CCSER1: variants seen among roughly 807,000 people sequenced by gnomAD.
CCSER1 encodes serine-rich coiled-coil domain-containing protein 1.
Under a neutral mutation model 82.0 loss-of-function variants are expected in CCSER1, and 41 were observed. The ratio of observed to expected loss-of-function variants is 0.50; its 90% CI spans 0.39 to 0.65. The LOEUF is 0.65. Among genes scored for constraint, CCSER1 ranks in the 30% least tolerant of loss-of-function variants. The pLI is 0.00. For missense variants in CCSER1, 1,119 were observed against 1,064.2 expected (o/e 1.05, Z -0.72); for synonymous variants, 414 against 383.9 (o/e 1.08, Z -0.92).
At chr4:91,557,664 T>C (rs1762466448) in intron 10 of CCSER1, among the ~76,000 whole-genome samples, 1 of 151,260 alleles carries the variant, frequency 6.6e-6, no homozygotes, top group Non-Finnish European at 1.5e-5. Context: ...TTGGATGAGT[T>C]CCTAATGGAG....
Position 90,793,462 on chromosome 4 carries a change from G to T in CCSER1, c.2011-22300G>T, listed in dbSNP as rs532877000. Among the ~76,000 whole-genome samples the T allele has an allele frequency of 3.3e-5, 5 of 152,062 alleles. No individual in the cohort carries two copies. In the South Asian group the frequency reaches 1.0e-3, roughly 32 times the overall value. On this transcript the variant is annotated intron_variant, in intron 7 of 10. Coordinates refer to ENST00000509176, the MANE Select transcript of CCSER1 (RefSeq NM_001145065.2). ...TGGTTTTCTTTTCCTTTTTTGTTGA[G>T]GATAATGGCCTCCATCCATGTTACT...
At chr4:90,840,780 G>T (rs1320227320) in intron 8 of CCSER1, among the ~76,000 whole-genome samples, 1 of 151,420 alleles carries the variant, frequency 6.6e-6, no homozygotes, top group Middle Eastern at 3.2e-3. Flanking sequence ...TTATAACCTT[G>T]TATGCAAGTC....
intron 8 of CCSER1, among the ~76,000 whole-genome samples, chr4:90,861,928 T>TATATATATATATATATATATATATATA (rs1561265442): frequency 1.8e-5 from 2 of 109,366 alleles, no homozygotes; most frequent in African/African-American, 5.6e-5. Context: ...ATATATATAT[T>TATATATATATATATATATATATATATA]TTTTTTTTCT....
intron 10 of CCSER1, among the ~76,000 whole-genome samples, chr4:91,443,399 G>A (rs375774315): frequency 4.0e-5 from 6 of 150,124 alleles, no homozygotes; most frequent in African/African-American, 7.3e-5. Context: ...GTAAACTATC[G>A]CAAGGACAAA....
chr4:91,452,709 A>G (rs1755937565), intron 10 of CCSER1, among the ~76,000 whole-genome samples: 1 of 152,060 alleles, frequency 6.6e-6, no homozygotes, highest in Admixed American at 6.6e-5. Context: ...TAGTCACAGC[A>G]AGTTCAATGT....
At chr4:91,534,241 C>G (rs1057443318) in intron 10 of CCSER1, among the ~76,000 whole-genome samples, 1 of 152,022 alleles carries the variant, frequency 6.6e-6, no homozygotes, top group African/African-American at 2.4e-5. Flanking sequence ...CAGTTATAGT[C>G]TCTTAAATCT....
At chr4:90,420,583 T>G (rs1756535472) in intron 4 of CCSER1, among the ~76,000 whole-genome samples, 1 of 152,178 alleles carries the variant, frequency 6.6e-6, no homozygotes, top group East Asian at 1.9e-4. Context: ...TATTTTGCCT[T>G]TCAGACTTTG....
intron 10 of CCSER1, among the ~76,000 whole-genome samples, chr4:91,260,824 G>T (rs942317667): frequency 6.6e-6 from 1 of 151,944 alleles, no homozygotes; most frequent in Non-Finnish European, 1.5e-5. Context: ...GCAATGGCGC[G>T]ATCTCGGCTC....
intron 8 of CCSER1, among the ~76,000 whole-genome samples, chr4:90,841,406 G>A (rs566038709): frequency 1.1e-4 from 16 of 151,548 alleles, no homozygotes; most frequent in African/African-American, 2.9e-4. Flanking sequence ...ATGAAACCCC[G>A]TCTCTACTAA....
At chr4:90,960,761 A>C (rs1436505400) in intron 9 of CCSER1, among the ~76,000 whole-genome samples, 1 of 152,148 alleles carries the variant, frequency 6.6e-6, no homozygotes, top group African/African-American at 2.4e-5. Context: ...ATTAGCTGGA[A>C]TTATGTTCTT....
At chr4:90,159,941 ATACT>A (rs1292978778) in intron 1 of CCSER1, among the ~76,000 whole-genome samples, 1 of 152,242 alleles carries the variant, frequency 6.6e-6, no homozygotes, top group Admixed American at 6.5e-5. Context: ...ATGTTATCAA[ATACT>A]TACAACATGA....
chr4:90,138,562 A>C (rs1724136001), intron 1 of CCSER1, among the ~76,000 whole-genome samples: 2 of 152,210 alleles, frequency 1.3e-5, no homozygotes. Context: ...TGGCAGCTAA[A>C]CTACATGCAT....
chr4:91,054,718 G>T (rs1286674378), intron 9 of CCSER1, among the ~76,000 whole-genome samples: 1 of 151,558 alleles, frequency 6.6e-6, no homozygotes, highest in Non-Finnish European at 1.5e-5. Context: ...TTTTGGGGCG[G>T]TGGGGTTGGT....
At position 91,134,856 on chromosome 4, in the gene CCSER1, T is replaced by C. The variant is rs371683340; in HGVS notation, c.2217+48862T>C. On this transcript the variant is annotated intron_variant, in intron 10 of 10. Transcript: ENST00000509176. ...GCAGACAGACCACAAGGTCAAGAGATTGAGACCATCCTGGCCAACATGGTG... is the reference window on the plus strand; with the variant it reads ...GCAGACAGACCACAAGGTCAAGAGACTGAGACCATCCTGGCCAACATGGTG... 2.0e-5 allele frequency among the ~76,000 whole-genome samples: 3 copies of C among 152,232 alleles called. No individual in the cohort carries two copies. The South Asian group carries it at 6.2e-4, about 32-fold the overall frequency.
At chr4:90,847,420 T>C (rs2149907344) in intron 8 of CCSER1, among the ~76,000 whole-genome samples, 1 of 152,300 alleles carries the variant, frequency 6.6e-6, no homozygotes, top group African/African-American at 2.4e-5. Context: ...GATCTTGACC[T>C]TGCTTCTTAC....
intron 1 of CCSER1, among the ~76,000 whole-genome samples, chr4:90,175,069 G>A (rs1450757582): frequency 6.6e-6 from 1 of 151,970 alleles, no homozygotes; most frequent in South Asian, 2.1e-4. Flanking sequence ...ATTCATAGCA[G>A]TTTTATTTGT....
intron 6 of CCSER1, among the ~76,000 whole-genome samples, chr4:90,717,741 C>A (rs572523793): frequency 2.1e-5 from 2 of 95,346 alleles, no homozygotes; most frequent in African/African-American, 8.5e-5. Flanking sequence ...TATATATATA[C>A]ACATATATAT....
chr4:91,045,242 T>C lies in CCSER1; in HGVS notation c.2173-40708T>C, dbSNP rs1374325186. ...TTCTAAGTCTGTCAAGTAAAATTCT[T>C]GAATAAATTTTAAAAATTTAGTTGT... On this transcript the variant is annotated intron_variant, in intron 9 of 10. Transcript: ENST00000509176. 2.6e-5 allele frequency among the ~76,000 whole-genome samples: 4 copies of C among 152,236 alleles called. No individual in the cohort carries two copies. In the East Asian group the frequency reaches 7.7e-4, roughly 29 times the overall value.
chr4:91,066,512 T>A (rs1561517241), intron 9 of CCSER1, among the ~76,000 whole-genome samples: 1 of 152,122 alleles, frequency 6.6e-6, no homozygotes. Context: ...AATCAGATCA[T>A]CCATATCACA....
Sources: gnomAD v4.1 joint callset for allele counts (sites outside exome capture counted in the v4.1 genomes callset) on GRCh38, gnomAD v4.1.1 for gene constraint, MANE v1.5 for transcripts, NCBI Gene and HGNC (gene_info 2026-07-23, HGNC 2026-07-21) for gene names.